The following EHBP1 variants were observed in gnomAD, a reference collection of about 807,000 sequenced individuals.
EHBP1 encodes EH domain-binding protein 1.
EHBP1 carries 55 observed loss-of-function variants against 144.0 expected under a neutral mutation model. The ratio of observed to expected loss-of-function variants is 0.38; its 90% CI spans 0.31 to 0.48. The LOEUF is 0.48. Among genes scored for constraint, EHBP1 ranks in the 20% least tolerant of loss-of-function variants. The pLI is 0.98. For missense variants in EHBP1, 1,200 were observed against 1,364.2 expected (o/e 0.88, Z 1.90); for synonymous variants, 469 against 472.7 (o/e 0.99, Z 0.10).
In EHBP1 at chr2:63,045,265, G is replaced by A. The variant is rs2061907439; in HGVS notation, c.3392+85G>A. On this transcript the variant is annotated intron_variant, in intron 22 of 22. Coordinates refer to ENST00000431489, the MANE Select transcript of EHBP1 (RefSeq NM_001142616.3). This position sits in a 1 kb window ranked among gnomAD's most constrained non-coding sequence, Gnocchi z 5.7. ...GCGGAAAGTTCAATCCAGAGGTCGC[G>A]GGAGGGCCGGGGCAGCCTCCCACTG... 1.1e-5 allele frequency: 15 copies of A among 1,417,148 alleles called. No individual in the cohort carries two copies. Among genetic ancestry groups the A allele is most frequent in the African/African-American group, 1.4e-5 (1 of 70,576 alleles). 87.8% of individuals were successfully genotyped at this position (1,417,148 alleles called of 1,614,324 possible). A position where few individuals can be genotyped will look rare whatever the true frequency, so the allele number is the denominator to read the frequency against.
At chr2:62,951,815 G>A (rs748889246) in intron 13 of EHBP1, among the ~76,000 whole-genome samples, 13 of 152,068 alleles carry the variant, frequency 8.5e-5, no homozygotes, top group Admixed American at 1.3e-4. Flanking sequence ...GTGAGCCACC[G>A]CGCCTGGCCA....
At chr2:62,915,966 G>A (rs956286657) in intron 10 of EHBP1, among the ~76,000 whole-genome samples, 1 of 152,104 alleles carries the variant, frequency 6.6e-6, no homozygotes, top group Admixed American at 6.6e-5. Flanking sequence ...TAATAACATA[G>A]AACTTTAATT....
At chr2:62,781,501 G>A (rs1404441491) in intron 5 of EHBP1, among the ~76,000 whole-genome samples, 2 of 152,134 alleles carry the variant, frequency 1.3e-5, no homozygotes, top group African/African-American at 4.8e-5. Flanking sequence ...GGAGTGTGCT[G>A]TAGTATATAT....
intron 2 of EHBP1, among the ~76,000 whole-genome samples, chr2:62,718,449 T>C (rs777911206): frequency 7.9e-5 from 12 of 152,224 alleles, no homozygotes; most frequent in Non-Finnish European, 1.6e-4. Flanking sequence ...ATATGGAACA[T>C]GTTCATCACC....
chr2:63,015,479 A>G (rs1266818640), intron 19 of EHBP1, among the ~76,000 whole-genome samples: 1 of 152,130 alleles, frequency 6.6e-6, no homozygotes, highest in African/African-American at 2.4e-5. Flanking sequence ...TCCATTTTGT[A>G]AAGTTCCTGG....
chr2:63,038,811 T>C lies in EHBP1; in HGVS notation c.3272T>C (p.Ile1091Thr), dbSNP rs527243566. Residue 1091 changes from isoleucine to threonine, a missense_variant, in exon 21 of 23, where the codon ATT (isoleucine) becomes ACT (threonine). Ile to Thr is a moderately conservative substitution (Grantham distance 89). This residue lies in a region of EHBP1 where 149 missense variants were observed against 217.0 expected (regional missense o/e 0.69). Transcript: ENST00000431489. ...LNRELRAMLAIEDWQKTEAQK... is the reference protein window; with the variant it reads ...LNRELRAMLATEDWQKTEAQK... The stretch of plus-strand genomic sequence containing the variant: ...CGGGAATTGAGGGCAATGCTAGCCA[T>C]TGAAGGTAAGAAATGCTATGGTGGG... 1 of 1,613,198 alleles carries C rather than the reference T, an allele frequency of 6.2e-7. No individual in the cohort carries two copies. The highest frequency in any genetic ancestry group is 1.1e-5 in the South Asian group (1 of 91,038).
intron 19 of EHBP1, among the ~76,000 whole-genome samples, chr2:62,999,211 C>T (rs1024867563): frequency 1.3e-5 from 2 of 152,090 alleles, no homozygotes; most frequent in Non-Finnish European, 2.9e-5. Flanking sequence ...GGTTTTCTAG[C>T]TCTTGACTCA....
intron 10 of EHBP1, among the ~76,000 whole-genome samples, chr2:62,926,953 A>T (rs1056424741): frequency 6.6e-6 from 1 of 152,192 alleles, no homozygotes; most frequent in African/African-American, 2.4e-5. Flanking sequence ...GTCCAAAAAC[A>T]GATGAATGGT....
At chr2:62,801,409 G>A (rs1345022609) in intron 5 of EHBP1, among the ~76,000 whole-genome samples, 1 of 152,174 alleles carries the variant, frequency 6.6e-6, no homozygotes, top group Non-Finnish European at 1.5e-5. Flanking sequence ...GAAGTGTTGT[G>A]AGTATATTAC....
At chr2:62,789,842 C>G in intron 5 of EHBP1, among the ~76,000 whole-genome samples, 1 of 152,162 alleles carries the variant, frequency 6.6e-6, no homozygotes. Flanking sequence ...GGGTAGCACT[C>G]CTGCAAATTT....
chr2:62,864,087 A>C (rs2152811607), intron 8 of EHBP1, among the ~76,000 whole-genome samples: 1 of 152,060 alleles, frequency 6.6e-6, no homozygotes, highest in African/African-American at 2.4e-5. Context: ...ACCTCAAGTG[A>C]TCTACCCACC....
chr2:62,920,530 A>G, intron 10 of EHBP1, among the ~76,000 whole-genome samples: 1 of 152,238 alleles, frequency 6.6e-6, no homozygotes, highest in Non-Finnish European at 1.5e-5. Flanking sequence ...GACATGTAAA[A>G]TAATAAAGAT....
At chr2:63,037,847 A>G (rs1050106858) in intron 20 of EHBP1, among the ~76,000 whole-genome samples, 1 of 152,162 alleles carries the variant, frequency 6.6e-6, no homozygotes, top group African/African-American at 2.4e-5. Flanking sequence ...TGTTTATTAT[A>G]CAGAAAGCCA....
intron 10 of EHBP1, among the ~76,000 whole-genome samples, chr2:62,909,518 G>T (rs2054043686): frequency 6.6e-6 from 1 of 152,262 alleles, no homozygotes; most frequent in Admixed American, 6.5e-5. Flanking sequence ...GTCAGAATAT[G>T]CTGAAAGACT....
intron 1 of EHBP1, among the ~76,000 whole-genome samples, chr2:62,689,795 T>A (rs1169988001): frequency 6.6e-6 from 1 of 152,226 alleles, no homozygotes; most frequent in Non-Finnish European, 1.5e-5. Flanking sequence ...TTTGATTGCA[T>A]GTTTATTTGT....
intron 16 of EHBP1, among the ~76,000 whole-genome samples, chr2:62,991,167 C>T (rs1309034973): frequency 6.6e-6 from 1 of 151,144 alleles, no homozygotes; most frequent in Non-Finnish European, 1.5e-5. Flanking sequence ...ATTGCCTGAG[C>T]CCAGGAGTTC....
intron 10 of EHBP1, among the ~76,000 whole-genome samples, chr2:62,884,192 G>A (rs1437805841): frequency 6.6e-6 from 1 of 152,208 alleles, no homozygotes; most frequent in Admixed American, 6.5e-5. Flanking sequence ...TGGTAAGATG[G>A]AGGTATGCCG....
chr2:62,858,627 A>G, intron 7 of EHBP1: 2 of 658,932 alleles, frequency 3.0e-6, no homozygotes, highest in Non-Finnish European at 5.2e-6. Context: ...CTTTTCCTTG[A>G]ATGTTTTCTT....
chr2:62,778,744 G>C (rs1205111115), intron 5 of EHBP1, among the ~76,000 whole-genome samples: 1 of 152,060 alleles, frequency 6.6e-6, no homozygotes. Flanking sequence ...TTAAATTTAA[G>C]TTTAAATCCT....
Sources: allele counts gnomAD v4.1 joint callset (sites outside exome capture counted in the v4.1 genomes callset), GRCh38; gene constraint gnomAD v4.1.1; regional missense constraint gnomAD v4.1.1; non-coding constraint Gnocchi (gnomAD v3.1); transcripts MANE v1.5; gene names NCBI Gene and HGNC (gene_info 2026-07-23, HGNC 2026-07-21).